The following KIF16B variants were observed in gnomAD, a reference collection of about 807,000 sequenced individuals.
The protein encoded by KIF16B is kinesin family member 16B.
KIF16B carries 98 observed loss-of-function variants against 156.3 expected under a neutral mutation model. The observed-to-expected ratio is 0.63, with a 90% CI of 0.53 to 0.74. KIF16B has a LOEUF of 0.74. Among genes scored for constraint, KIF16B ranks in the 30% least tolerant of loss-of-function variants. The pLI, the probability that KIF16B is intolerant of heterozygous loss-of-function variation, is 0.00. For missense variants in KIF16B, 1,421 were observed against 1,606.5 expected (o/e 0.88, Z 1.97); for synonymous variants, 564 against 583.7 (o/e 0.97, Z 0.49).
chr20:16,568,214 T>C (rs891897824), intron 1 of KIF16B, among the ~76,000 whole-genome samples: 2 of 150,922 alleles, frequency 1.3e-5, no homozygotes, highest in African/African-American at 2.4e-5. Flanking sequence ...AGATTCTACC[T>C]GAGAGGCTAA....
In KIF16B at chr20:16,544,664, C is replaced by T. The variant is rs28461176; in HGVS notation, c.48-16224G>A. Among the ~76,000 whole-genome samples, 541 of 151,392 alleles carry T rather than the reference C, an allele frequency of 3.6e-3. 2 individuals are homozygous for T. The highest frequency in any genetic ancestry group is 0.013 in the African/African-American group (523 of 41,302). ...TTCCAGGAAGCCTTCTCAGACCTCT[C>T]CTAGCCAGTATCTTCTGGGTGACAT... On this transcript the variant is annotated intron_variant, in intron 1 of 25. Coordinates refer to ENST00000354981, the MANE Select transcript of KIF16B (RefSeq NM_024704.5).
intron 17 of KIF16B, among the ~76,000 whole-genome samples, chr20:16,385,981 T>C (rs2065221061): frequency 6.6e-6 from 1 of 152,132 alleles, no homozygotes; most frequent in South Asian, 2.1e-4. Flanking sequence ...TAAGCTCAGT[T>C]TTACACTTAT....
intron 1 of KIF16B, among the ~76,000 whole-genome samples, chr20:16,553,193 G>A (rs188556830): frequency 3.7e-4 from 56 of 152,246 alleles, no homozygotes; most frequent in Non-Finnish European, 6.8e-4. Context: ...GTCTCTGTAC[G>A]CTTTCTGCTT....
rs543760098 is a variant in KIF16B at position 16,273,204 on chromosome 20, G to C, written c.*49C>G. On this transcript the variant is annotated 3_prime_UTR_variant, in exon 26 of 26. Transcript: ENST00000354981. ...GGGGAGCTGCCCTGCATCGGAGCCC[G>C]CTTCGACGAGAAGGCACTGCTGTGG... is the stretch of plus-strand genomic sequence containing the variant. The C allele has an allele frequency of 6.5e-7, 1 of 1,546,590 alleles. No individual in the cohort carries two copies. Among genetic ancestry groups the C allele is most frequent in the Non-Finnish European group, 8.9e-7 (1 of 1,122,014 alleles).
rs999070520 is a variant in KIF16B, at chr20:16,366,930, A to G, written c.3498+3656T>C. The G allele has an allele frequency of 3.1e-5, 38 of 1,244,482 alleles. No homozygotes were observed. In the East Asian group the frequency reaches 3.2e-4, roughly 11 times the overall value. 77.1% of individuals were successfully genotyped at this position (1,244,482 alleles called of 1,614,324 possible). A position where few individuals can be genotyped will look rare whatever the true frequency, so the allele number is the denominator to read the frequency against. On this transcript the variant is annotated intron_variant, in intron 22 of 25. Coordinates refer to ENST00000354981, the MANE Select transcript of KIF16B (RefSeq NM_024704.5). ...AGTTTCAAGAAAATGAAGCAAGGTG[A>G]TGATAAAGATATTTTATTGGGGCTC...
intron 22 of KIF16B, among the ~76,000 whole-genome samples, chr20:16,357,054 G>C (rs1376663776): frequency 1.3e-5 from 2 of 152,192 alleles, no homozygotes; most frequent in African/African-American, 4.8e-5. Context: ...TGGGGGACTA[G>C]TGGGGTCTGA....
At chr20:16,282,392 C>A (rs764213087) in intron 25 of KIF16B, among the ~76,000 whole-genome samples, 1 of 152,054 alleles carries the variant, frequency 6.6e-6, no homozygotes, top group Non-Finnish European at 1.5e-5. Context: ...ACAGTCCTGC[C>A]TGCCTGGGAG....
At chr20:16,558,729 C>T (rs533705892) in intron 1 of KIF16B, among the ~76,000 whole-genome samples, 6 of 152,022 alleles carry the variant, frequency 3.9e-5, no homozygotes, top group Non-Finnish European at 7.4e-5. Flanking sequence ...CATGGCAAAA[C>T]CCTGTTTCCA....
At chr20:16,402,415 T>C (rs941985724) in intron 17 of KIF16B, among the ~76,000 whole-genome samples, 4 of 152,212 alleles carry the variant, frequency 2.6e-5, no homozygotes, top group Non-Finnish European at 5.9e-5. Context: ...GACTGGTTCA[T>C]AGGAGGCATT....
At chr20:16,352,932 G>A (rs1432505880) in intron 23 of KIF16B, among the ~76,000 whole-genome samples, 1 of 152,190 alleles carries the variant, frequency 6.6e-6, no homozygotes, top group Non-Finnish European at 1.5e-5. Context: ...TATACCAGGG[G>A]GTGTCAGACC....
At chr20:16,418,064 C>T (rs568034180) in intron 15 of KIF16B, among the ~76,000 whole-genome samples, 9 of 151,500 alleles carry the variant, frequency 5.9e-5, no homozygotes, top group African/African-American at 9.7e-5. Flanking sequence ...AGGTTAACCC[C>T]GAGAAATCCA....
In KIF16B at chr20:16,328,341, G is replaced by T. The variant is rs1234103505; in HGVS notation, c.3711+7585C>A. 3.3e-5 allele frequency among the ~76,000 whole-genome samples: 5 copies of T among 152,254 alleles called. No homozygotes were observed. The East Asian group carries it at 9.7e-4, about 29-fold the overall frequency. On this transcript the variant is annotated intron_variant, in intron 24 of 25. Coordinates refer to ENST00000354981, the MANE Select transcript of KIF16B (RefSeq NM_024704.5). ...AGGCTGATTGTGTTTGAAACTTGGG[G>T]ACTCTAATGACTCACTGCGATAACT...
intron 1 of KIF16B, among the ~76,000 whole-genome samples, chr20:16,542,596 C>G (rs1441830628): frequency 1.3e-5 from 2 of 152,080 alleles, no homozygotes; most frequent in Non-Finnish European, 2.9e-5. Flanking sequence ...CGGGGCCAGG[C>G]AAATGGCCCA....
At chr20:16,314,102 A>G (rs1236383068) in intron 24 of KIF16B, among the ~76,000 whole-genome samples, 2 of 152,210 alleles carry the variant, frequency 1.3e-5, no homozygotes, top group African/African-American at 4.8e-5. Flanking sequence ...AGCACTTGGT[A>G]CAGTGGTCGT....
chr20:16,507,535 C>T (rs2068822685), intron 7 of KIF16B, among the ~76,000 whole-genome samples: 1 of 152,274 alleles, frequency 6.6e-6, no homozygotes, highest in South Asian at 2.1e-4. Flanking sequence ...CCTTTAATAT[C>T]ATTCTAATAA....
At chr20:16,540,874 T>C (rs2070169776) in intron 1 of KIF16B, among the ~76,000 whole-genome samples, 1 of 152,230 alleles carries the variant, frequency 6.6e-6, no homozygotes, top group Non-Finnish European at 1.5e-5. Context: ...TATTTTTGCT[T>C]GCTAAGTCTG....
At chr20:16,383,669 T>C (rs1486798597) in intron 17 of KIF16B, among the ~76,000 whole-genome samples, 2 of 152,232 alleles carry the variant, frequency 1.3e-5, no homozygotes, top group Non-Finnish European at 2.9e-5. Context: ...GTTGGTATCT[T>C]CATACTTCAG....
intron 12 of KIF16B, among the ~76,000 whole-genome samples, chr20:16,434,501 A>AT (rs2066590320): frequency 5.2e-5 from 1 of 19,106 alleles, no homozygotes; most frequent in Admixed American, 6.4e-4. Flanking sequence ...AACAACAAAA[A>AT]TCTATTTTTT....
chr20:16,423,171 G>T (rs1278675284), intron 15 of KIF16B, among the ~76,000 whole-genome samples: 1 of 152,002 alleles, frequency 6.6e-6, no homozygotes, highest in African/African-American at 2.4e-5. Flanking sequence ...GAAGAAAAAA[G>T]TTGGAGCTAC....
Sources: gnomAD v4.1 joint callset for allele counts (sites outside exome capture counted in the v4.1 genomes callset) on GRCh38, gnomAD v4.1.1 for gene constraint, MANE v1.5 for transcripts, NCBI Gene and HGNC (gene_info 2026-07-23, HGNC 2026-07-21) for gene names.